Variants in LEPR observed in about 807,000 individuals in gnomAD.
LEPR encodes OB receptor.
LEPR carries 56 observed loss-of-function variants against 114.7 expected under a neutral mutation model. That is an observed-to-expected ratio of 0.49 (90% CI 0.39 to 0.61). The LOEUF is 0.61. LEPR is among the 20% of genes least tolerant of loss of function. The probability of loss-of-function intolerance (pLI) is 0.00; values close to 1 mark genes in which losing one functional copy is unlikely to be tolerated. For missense variants in LEPR, 1,202 were observed against 1,352.9 expected, an observed-to-expected ratio of 0.89 and a Z score of 1.75; for synonymous variants, 443 against 461.4, an observed-to-expected ratio of 0.96 and a Z score of 0.51.
At chr1:65,471,206 T>C (rs1570514081) in intron 2 of LEPR, among the ~76,000 whole-genome samples, 1 of 152,228 alleles carries the variant, frequency 6.6e-6, no homozygotes, top group Admixed American at 6.5e-5. Flanking sequence ...TAAGGTAGGA[T>C]CCACTCATTT....
chr1:65,626,435 C>A, intron 19 of LEPR: 3 of 476,570 alleles, frequency 6.3e-6, no homozygotes, highest in Non-Finnish European at 8.2e-6. Flanking sequence ...TTAAGCACAG[C>A]TAACCCACAA....
chr1:65,531,867 CTAGTATACGAAGTTTCTTTAGAGCG>C (rs528529136), intron 2 of LEPR, among the ~76,000 whole-genome samples: 2,666 of 152,166 alleles, frequency 0.018, 29 homozygotes, highest in Non-Finnish European at 0.027. Context: ...TACAAGTGTG[CTAGTATACGAAGTTTCTTTAGAGCG>C]TAAAACCAAT....
At chr1:65,575,117 C>T (rs949595132) in intron 5 of LEPR, among the ~76,000 whole-genome samples, 1 of 152,110 alleles carries the variant, frequency 6.6e-6, no homozygotes, top group African/African-American at 2.4e-5. Flanking sequence ...GAACCTTTGG[C>T]TGGAGTGATA....
intron 2 of LEPR, chr1:65,430,080 C>G: frequency 3.3e-6 from 5 of 1,519,946 alleles, no homozygotes; most frequent in Non-Finnish European, 3.6e-6. Context: ...TTTGCCCAAC[C>G]GTTGCTGAGT....
chr1:65,529,420 G>T (rs1321159664), intron 2 of LEPR, among the ~76,000 whole-genome samples: 1 of 151,830 alleles, frequency 6.6e-6, no homozygotes, highest in South Asian at 2.1e-4. Flanking sequence ...TACTCCGGAG[G>T]CTGAGGCAGA....
At chr1:65,516,211 G>T (rs1462907880) in intron 2 of LEPR, among the ~76,000 whole-genome samples, 1 of 151,950 alleles carries the variant, frequency 6.6e-6, no homozygotes, top group Non-Finnish European at 1.5e-5. Context: ...GAGGCAGGCG[G>T]ATCACAAGGT....
At chr1:65,516,044 A>G (rs1052589999) in intron 2 of LEPR, among the ~76,000 whole-genome samples, 4 of 152,186 alleles carry the variant, frequency 2.6e-5, no homozygotes, top group African/African-American at 9.7e-5. Flanking sequence ...AATTGCTAAA[A>G]CTTTTTGAAG....
At chr1:65,634,625 A>G in intron 19 of LEPR, 1 of 969,670 alleles carries the variant, frequency 1.0e-6, no homozygotes, top group Non-Finnish European at 1.2e-6. Context: ...ACAGTTACTG[A>G]GTATGACATT....
intron 3 of LEPR, among the ~76,000 whole-genome samples, chr1:65,568,944 T>C (rs566757974): frequency 1.3e-5 from 2 of 152,346 alleles, no homozygotes; most frequent in South Asian, 4.1e-4. Flanking sequence ...GGCATTTTTT[T>C]CATGTTCATT....
At chr1:65,536,659 G>C (rs1016915681) in intron 2 of LEPR, among the ~76,000 whole-genome samples, 1 of 151,438 alleles carries the variant, frequency 6.6e-6, no homozygotes, top group East Asian at 1.9e-4. Flanking sequence ...CAAAGATTTC[G>C]GTTAAGGGAT....
chr1:65,629,472 T>A (rs1416946363), intron 19 of LEPR: 1 of 289,668 alleles, frequency 3.5e-6, no homozygotes, highest in Non-Finnish European at 6.6e-6. Flanking sequence ...AATATGTGAT[T>A]ACACTTCTCA....
At chr1:65,508,472 C>T (rs969499429) in intron 2 of LEPR, among the ~76,000 whole-genome samples, 1 of 152,106 alleles carries the variant, frequency 6.6e-6, no homozygotes, top group Non-Finnish European at 1.5e-5. Context: ...TGCTTGGTAT[C>T]TTTGTCAAAA....
chr1:65,441,578 AT>A (rs1432698724), intron 2 of LEPR, among the ~76,000 whole-genome samples: 1 of 152,202 alleles, frequency 6.6e-6, no homozygotes, highest in East Asian at 1.9e-4. Context: ...TAGATAAGCC[AT>A]TTGAGTGTTA....
At position 65,622,898 on chromosome 1, in the gene LEPR, C is replaced by A. The variant is rs1285366304; in HGVS notation, c.2598-8C>A. Reference sequence around the variant, plus strand: ...CTCTAATTTTGATGCCCTGTTTATCCTTTGTAGAATGAAAAAGCTATTTTG... The same window carrying A: ...CTCTAATTTTGATGCCCTGTTTATCATTTGTAGAATGAAAAAGCTATTTTG... On this transcript the variant is annotated splice_polypyrimidine_tract_variant and splice_region_variant and intron_variant, in intron 18 of 19. Transcript: ENST00000349533. 6.2e-7 allele frequency: 1 copy of A among 1,613,592 alleles called. No homozygotes were observed. The highest frequency in any genetic ancestry group is 1.3e-5 in the African/African-American group (1 of 74,900).
At chr1:65,494,862 AT>A (rs1648071054) in intron 2 of LEPR, among the ~76,000 whole-genome samples, 1 of 152,078 alleles carries the variant, frequency 6.6e-6, no homozygotes, top group South Asian at 2.1e-4. Flanking sequence ...TGGGGCTATG[AT>A]TCCATAGTCA....
intron 2 of LEPR, among the ~76,000 whole-genome samples, chr1:65,442,360 T>C (rs896041983): frequency 1.1e-4 from 17 of 152,202 alleles, no homozygotes; most frequent in African/African-American, 4.1e-4. Context: ...CTATGACCTA[T>C]GACCCCTCCC....
At chr1:65,565,402 A>G (rs1461268874) in intron 2 of LEPR, 144 bp from the exon 3 acceptor site, 5 of 750,842 alleles carry the variant, frequency 6.7e-6, no homozygotes, top group Admixed American at 5.3e-5. Flanking sequence ...TACGTGAGAT[A>G]TTTCTCAGAT....
intron 18 of LEPR, among the ~76,000 whole-genome samples, chr1:65,622,099 C>T (rs184628347): frequency 6.6e-6 from 1 of 152,180 alleles, no homozygotes; most frequent in African/African-American, 2.4e-5. Context: ...TGGTGATGCT[C>T]CTGCTCTGTC....
At chr1:65,509,456 G>A (rs944396599) in intron 2 of LEPR, among the ~76,000 whole-genome samples, 3 of 150,868 alleles carry the variant, frequency 2.0e-5, no homozygotes, top group Admixed American at 6.6e-5. Flanking sequence ...TATGTTTTTT[G>A]TCCTTCATTC....
Sources: gnomAD v4.1 joint callset for allele counts (sites outside exome capture counted in the v4.1 genomes callset) on GRCh38, gnomAD v4.1.1 for gene constraint, MANE v1.5 for transcripts, NCBI Gene and HGNC (gene_info 2026-07-23, HGNC 2026-07-21) for gene names.